The following TRIM29 variants were observed in gnomAD, a reference collection of about 807,000 sequenced individuals.
TRIM29 encodes the protein tripartite motif containing 29.
TRIM29 carries 52 observed loss-of-function variants against 57.3 expected under a neutral mutation model. That is an observed-to-expected ratio of 0.91 (90% confidence interval 0.73 to 1.14). TRIM29 has a LOEUF of 1.14. Among genes scored for constraint, TRIM29 ranks in the 50% most tolerant of loss-of-function variants. The pLI is 0.00. For synonymous variants in TRIM29, 319 were observed against 316.9 expected, an observed-to-expected ratio of 1.01 and a Z score of -0.07; for missense variants, 753 against 774.6, an observed-to-expected ratio of 0.97 and a Z score of 0.33.
intron 5 of TRIM29, 29 bp from the exon 6 acceptor site, chr11:120,120,694 T>C (rs1202972450): frequency 5.0e-6 from 8 of 1,607,092 alleles, no homozygotes; most frequent in Non-Finnish European, 6.8e-6. Context: ...GGGCTGTCAT[T>C]GCAGAAAATT....
chr11:120,128,678 C>G (rs113630363), intron 1 of TRIM29, 183 bp from the exon 2 acceptor site: 1 of 1,535,274 alleles, frequency 6.5e-7, no homozygotes, highest in Non-Finnish European at 8.7e-7. Flanking sequence ...TGCCAGTCGC[C>G]AAGGATCTAG....
chr11:120,127,589 G>A lies in TRIM29; in HGVS notation c.901-20C>T, dbSNP rs1863621437. On this transcript the variant is annotated intron_variant, in intron 2 of 8. Transcript: ENST00000341846. ...GAAGCTCTGGAGGTCCAGAGTCAGGGAAGAGATTAGGCAGGGCTTTAGTTA... is the reference window on the plus strand; with the variant it reads ...GAAGCTCTGGAGGTCCAGAGTCAGGAAAGAGATTAGGCAGGGCTTTAGTTA... 1 of 1,607,672 alleles carries A rather than the reference G, an allele frequency of 6.2e-7. No individual in the cohort carries two copies. The highest frequency in any genetic ancestry group is 1.1e-5 in the South Asian group (1 of 90,378).
In TRIM29 at chr11:120,137,942, C is replaced by T; in HGVS notation, c.90G>A (p.Glu30=). 1 of 1,608,378 alleles carries T rather than the reference C, an allele frequency of 6.2e-7. No homozygotes were observed. The highest frequency in any genetic ancestry group is 8.5e-7 in the Non-Finnish European group (1 of 1,179,994). ...RSPSGPSGSL[E]NGTKADGKDA... is the part of the protein sequence containing the mutation. ...CCTTGCCGTCAGCCTTGGTGCCATT[C>T]TCCAGGCTGCCACTGGGGCCCGACG... Residue 30 remains glutamate (E), a synonymous_variant, in exon 1 of 9, where the codon GAG becomes GAA. Coordinates refer to ENST00000341846, the MANE Select transcript of TRIM29 (RefSeq NM_012101.4). This position sits in a 1 kb window ranked among gnomAD's most constrained non-coding sequence, Gnocchi z 6.2.
intron 5 of TRIM29, chr11:120,121,444 C>G (rs1382092636): frequency 1.3e-5 from 2 of 154,570 alleles, no homozygotes; most frequent in African/African-American, 4.8e-5. Context: ...TTCCTGTTCT[C>G]CCCCCAACTC....
chr11:120,118,315 T>G lies in TRIM29; in HGVS notation c.1535A>C (p.Tyr512Ser), dbSNP rs151000313. ...FNNLYGTKGNYTSRVWEYSSS... is the reference protein window; with the variant it reads ...FNNLYGTKGNSTSRVWEYSSS... ...GGAGTACTCCCAGACCCGGGAGGTG[T>G]AGTTACCTGGCAGGACAAAGAAGGG... The change falls in exon 7 of 9, where the codon TAC (tyrosine) becomes TCC (serine). Residue 512 changes from tyrosine (Y) to serine (S), a missense_variant. Physicochemically the swap from Tyr to Ser is moderately radical, Grantham distance 144 (BLOSUM62 -2). Coordinates refer to ENST00000341846, the MANE Select transcript of TRIM29 (RefSeq NM_012101.4). The G allele has an allele frequency of 1.2e-6, 2 of 1,612,224 alleles. No individual in the cohort carries two copies. The highest frequency in any genetic ancestry group is 1.7e-6 in the Non-Finnish European group (2 of 1,179,084).
Position 120,123,038 on chromosome 11 carries a change from C to A in TRIM29, c.1351G>T (p.Val451Leu). 1 of 1,614,108 alleles carries A rather than the reference C, an allele frequency of 6.2e-7. No homozygotes were observed. The highest frequency in any genetic ancestry group is 1.1e-5 in the South Asian group (1 of 91,072). Residue 451 changes from valine (V) to leucine (L), a missense_variant, in exon 5 of 9, where the codon GTG becomes TTG. Val to Leu is a conservative substitution (Grantham distance 32). Coordinates refer to ENST00000341846, the MANE Select transcript of TRIM29 (RefSeq NM_012101.4). ...CCGAAGCTGTTCGTGTAGTTGTTCA[C>A]ATAGCGATGGTCACCACCTAGGAAG... ...HMENGGDHRY[V>L]NNYTNSFGGE...
chr11:120,133,876 C>A (rs1033318901), intron 1 of TRIM29, among the ~76,000 whole-genome samples: 9 of 152,130 alleles, frequency 5.9e-5, no homozygotes, highest in East Asian at 3.9e-4. Context: ...AAGCAATGCT[C>A]CTAGCTGAGT....
intron 5 of TRIM29, chr11:120,121,628 C>T (rs1448541487): frequency 5.5e-6 from 1 of 180,944 alleles, no homozygotes; most frequent in African/African-American, 2.3e-5. Flanking sequence ...TGAGCACAAC[C>T]TCCCCTCTCT....
rs1863657382 is a variant in TRIM29, at chr11:120,128,790, A to T, written c.805-295T>A. ...AAACCTCTGCCTATCTCCTCCACCC[A>T]GCAAGAGCAGGAGGGAAACTCATTT... On this transcript the variant is annotated intron_variant, in intron 1 of 8. Transcript: ENST00000341846. The T allele has an allele frequency of 2.0e-6, 3 of 1,532,448 alleles. No individual in the cohort carries two copies. In the South Asian group the frequency reaches 3.6e-5, roughly 18 times the overall value. The allele number at this position is 1,532,448 out of a possible 1,614,324, so 94.9% of individuals were successfully genotyped here.
intron 8 of TRIM29, 21 bp from the exon 9 acceptor site, chr11:120,112,497 G>T (rs747850405): frequency 1.2e-6 from 2 of 1,613,596 alleles, no homozygotes; most frequent in South Asian, 2.2e-5. Flanking sequence ...AACAAGAGTG[G>T]TCAGCGAGGC....
chr11:120,137,282 C>G lies in TRIM29; in HGVS notation c.750G>C (p.Gln250His), dbSNP rs1863838120. 1 of 1,614,070 alleles carries G rather than the reference C, an allele frequency of 6.2e-7. No homozygotes were observed. Among genetic ancestry groups the G allele is most frequent in the African/African-American group, 1.3e-5 (1 of 74,936 alleles). ...TCACGGTGCTATGATTCTTGTGCTC[C>G]TGGAACATGCAAAGGTAGCAGATGC... is the stretch of plus-strand genomic sequence containing the variant. The part of the protein sequence containing the change: ...QTCICYLCMF[Q>H]EHKNHSTVTV... The change falls in exon 1 of 9, where the codon CAG becomes CAC. Residue 250 changes from glutamine to histidine, a missense_variant. Gln to His is a conservative substitution (Grantham distance 24). Transcript: ENST00000341846. This position sits in a 1 kb window ranked among gnomAD's most constrained non-coding sequence, Gnocchi z 6.2.
intron 5 of TRIM29, among the ~76,000 whole-genome samples, chr11:120,122,749 T>C (rs1009306742): frequency 4.6e-5 from 7 of 152,116 alleles, no homozygotes; most frequent in Non-Finnish European, 7.4e-5. Context: ...AACTTCTCAT[T>C]CGAACCAGGA....
intron 1 of TRIM29, among the ~76,000 whole-genome samples, chr11:120,135,100 C>T (rs2135031300): frequency 6.6e-6 from 1 of 152,278 alleles, no homozygotes; most frequent in African/African-American, 2.4e-5. Flanking sequence ...CCTGGCACAT[C>T]CACATAGGGC....
intron 8 of TRIM29, chr11:120,113,612 T>C (rs764231918): frequency 8.8e-6 from 4 of 456,194 alleles, no homozygotes; most frequent in South Asian, 6.2e-5. Flanking sequence ...CTTTGTGTGG[T>C]CCACAGCAGG....
rs78411485 is a variant in TRIM29 at position 120,122,348 on chromosome 11, G to A, written c.1435+606C>T. Among the ~76,000 whole-genome samples the A allele has an allele frequency of 0.015, 2,306 of 152,172 alleles. 108 individuals carry two copies. In the East Asian group the frequency reaches 0.15, roughly 10 times the overall value. ...GGTATTGCTGTGGTTTGTTGCTGGC[G>A]CCCAAGAATGTGAGAGGCCACCACA... On this transcript the variant is annotated intron_variant, in intron 5 of 8. Coordinates refer to ENST00000341846, the MANE Select transcript of TRIM29 (RefSeq NM_012101.4).
chr11:120,129,271 C>T (rs1447719660), intron 1 of TRIM29, among the ~76,000 whole-genome samples: 1 of 152,124 alleles, frequency 6.6e-6, no homozygotes. Flanking sequence ...TGGGGAAATG[C>T]CCTTCTCTGA....
intron 4 of TRIM29, 190 bp from the exon 5 acceptor site, chr11:120,123,245 G>A (rs1257106487): frequency 2.9e-6 from 2 of 697,764 alleles, no homozygotes; most frequent in Non-Finnish European, 5.2e-6. Flanking sequence ...AGCTCTTGGT[G>A]GAGAAGGTGT....
chr11:120,128,445 A>T lies in TRIM29; in HGVS notation c.855T>A (p.Ile285=). ...TCTGCCACTTCTCAGCTTCATCCTC[A>T]ATCTCAATGATCTTGAGCTGCAGCT... ...KEQLQLKIIE[I]EDEAEKWQKE... The change falls in exon 2 of 9, where the codon ATT becomes ATA. Residue 285 remains isoleucine, a synonymous_variant. Coordinates refer to ENST00000341846, the MANE Select transcript of TRIM29 (RefSeq NM_012101.4). 1.2e-6 allele frequency: 2 copies of T among 1,612,496 alleles called. No individual in the cohort carries two copies. Among genetic ancestry groups the T allele is most frequent in the Non-Finnish European group, 1.7e-6 (2 of 1,180,010 alleles).
In TRIM29 at chr11:120,137,757, T is replaced by C. The variant is rs772631662; in HGVS notation, c.275A>G (p.Asn92Ser). 2 of 1,612,252 alleles carry C rather than the reference T, an allele frequency of 1.2e-6. No individual in the cohort carries two copies. Among genetic ancestry groups the C allele is most frequent in the South Asian group, 2.2e-5 (2 of 91,070 alleles). The change falls in exon 1 of 9, where the codon AAC becomes AGC. Residue 92 changes from asparagine (N) to serine (S), a missense_variant. By Grantham distance (46) the Asn-to-Ser change is conservative. Transcript: ENST00000341846. The surrounding 1 kb of genome is among the most constrained non-coding windows in gnomAD (Gnocchi z 6.2). ...TTCCATAGAGTCCATGCTGAAGTAG[T>C]TGGAGTTCTTGTCGTCCCCGGACTC... ...FVESGDDKNSNYFSMDSMEGK... is the reference protein window; with the variant it reads ...FVESGDDKNSSYFSMDSMEGK...
Sources: gnomAD v4.1 joint callset for allele counts (sites outside exome capture counted in the v4.1 genomes callset) on GRCh38, gnomAD v4.1.1 for gene constraint, Gnocchi (gnomAD v3.1) non-coding constraint, MANE v1.5 for transcripts, NCBI Gene and HGNC (gene_info 2026-07-23, HGNC 2026-07-21) for gene names.